The following DYM variants were observed in gnomAD, a reference collection of about 807,000 sequenced individuals.
The protein encoded by DYM is dyggve-Melchior-Clausen syndrome protein.
In DYM, 78 loss-of-function variants were observed where a neutral mutation model predicts 93.1. That is an observed-to-expected ratio of 0.84 (90% CI 0.70 to 1.01). The LOEUF (loss-of-function observed/expected upper bound fraction) is 1.01. Ranked by LOEUF, DYM falls within the 50% of genes least tolerant of loss-of-function variation. The pLI, the probability that DYM is intolerant of heterozygous loss-of-function variation, is 0.00. For missense variants in DYM, 789 were observed against 845.0 expected, an observed-to-expected ratio of 0.93 and a Z score of 0.82; for synonymous variants, 321 against 319.7, an observed-to-expected ratio of 1.00 and a Z score of -0.04.
intron 3 of DYM, among the ~76,000 whole-genome samples, chr18:49,384,873 G>A (rs946407495): frequency 1.3e-5 from 2 of 150,624 alleles, no homozygotes; most frequent in African/African-American, 2.4e-5. Context: ...AGGTGATCAA[G>A]AGGTAGGGAG....
At position 49,330,501 on chromosome 18, in the gene DYM, T is replaced by C. The variant is rs150184014; in HGVS notation, c.763+1363A>G. 2.6e-5 allele frequency among the ~76,000 whole-genome samples: 4 copies of C among 152,152 alleles called. No individual in the cohort carries two copies. In the East Asian group the frequency reaches 7.7e-4, roughly 29 times the overall value. On this transcript the variant is annotated intron_variant, in intron 8 of 17. Coordinates refer to ENST00000675505, the MANE Select transcript of DYM (RefSeq NM_001353214.3). ...TAATGATACCACATGCAATACTGGG[T>C]TCCCTTTGATATGATACATAACTGA...
intron 15 of DYM, among the ~76,000 whole-genome samples, chr18:49,145,108 CATATATATAT>C (rs56212722): frequency 9.6e-4 from 18 of 18,754 alleles, no homozygotes; most frequent in Middle Eastern, 0.056. Context: ...CAAAAAAATT[CATATATATAT>C]ATATATATAT....
chr18:49,172,141 G>A (rs112984773), intron 14 of DYM, among the ~76,000 whole-genome samples: 125 of 152,220 alleles, frequency 8.2e-4, no homozygotes, highest in African/African-American at 2.9e-3. Flanking sequence ...GTACTCTTTT[G>A]TGTCTGCCAT....
chr18:49,448,395 T>G (rs2082272742), intron 1 of DYM, among the ~76,000 whole-genome samples: 1 of 152,198 alleles, frequency 6.6e-6, no homozygotes, highest in Non-Finnish European at 1.5e-5. Context: ...ATCTAGCACA[T>G]CCCCTGCATT....
At chr18:49,105,619 T>G (rs940691883) in intron 16 of DYM, among the ~76,000 whole-genome samples, 12 of 152,150 alleles carry the variant, frequency 7.9e-5, no homozygotes, top group East Asian at 3.8e-4. Flanking sequence ...CTTTGTTCTC[T>G]TTGGTTTCAA....
chr18:49,162,394 T>C (rs1458101201), intron 15 of DYM, among the ~76,000 whole-genome samples: 2 of 152,178 alleles, frequency 1.3e-5, no homozygotes, highest in Non-Finnish European at 2.9e-5. Context: ...CCCAAGATGA[T>C]GCAGGGTATC....
chr18:49,089,054 T>C (rs560316655), intron 17 of DYM, among the ~76,000 whole-genome samples: 211 of 152,262 alleles, frequency 1.4e-3, no homozygotes, highest in Non-Finnish European at 2.3e-3. Flanking sequence ...TGCCTCAGCC[T>C]CTCAAACTGC....
chr18:49,109,905 C>T (rs1227165415), intron 16 of DYM, among the ~76,000 whole-genome samples: 1 of 152,198 alleles, frequency 6.6e-6, no homozygotes, highest in Non-Finnish European at 1.5e-5. Context: ...CATGTGTCAA[C>T]TTCCAATTCT....
At chr18:49,289,731 A>ATGTG (rs2059927509) in intron 8 of DYM, among the ~76,000 whole-genome samples, 8 of 11,136 alleles carry the variant, frequency 7.2e-4, no homozygotes, top group Non-Finnish European at 1.5e-3. Flanking sequence ...ATATGTGTAT[A>ATGTG]TATATATATA....
intron 11 of DYM, among the ~76,000 whole-genome samples, chr18:49,264,324 C>T (rs956037457): frequency 1.3e-5 from 2 of 151,968 alleles, no homozygotes; most frequent in Non-Finnish European, 2.9e-5. Context: ...TGAAATGGAA[C>T]TTCTGAGAGG....
At chr18:49,435,656 T>C (rs1191743742) in intron 1 of DYM, among the ~76,000 whole-genome samples, 1 of 151,790 alleles carries the variant, frequency 6.6e-6, no homozygotes, top group Non-Finnish European at 1.5e-5. Context: ...AGGTGAAGTG[T>C]CAGGCGTCTG....
At chr18:49,186,287 A>G (rs1320656848) in intron 14 of DYM, among the ~76,000 whole-genome samples, 3 of 152,164 alleles carry the variant, frequency 2.0e-5, no homozygotes, top group Non-Finnish European at 4.4e-5. Flanking sequence ...ATGTTCAAAC[A>G]CACTTCTAAT....
At chr18:49,189,761 G>A (rs1242695995) in intron 14 of DYM, among the ~76,000 whole-genome samples, 1 of 152,108 alleles carries the variant, frequency 6.6e-6, no homozygotes, top group Non-Finnish European at 1.5e-5. Context: ...ACAGGGAAAA[G>A]GAGAGACTAG....
At chr18:49,315,901 T>C (rs530010830) in intron 8 of DYM, among the ~76,000 whole-genome samples, 1 of 152,102 alleles carries the variant, frequency 6.6e-6, no homozygotes, top group Non-Finnish European at 1.5e-5. Context: ...ATGAAACAAG[T>C]GTTTTCTTTT....
intron 14 of DYM, among the ~76,000 whole-genome samples, chr18:49,192,287 C>T (rs1249620382): frequency 2.6e-5 from 4 of 151,866 alleles, no homozygotes; most frequent in Non-Finnish European, 5.9e-5. Context: ...ATAATAATAT[C>T]TCATAGAGTT....
chr18:49,276,203 G>A (rs1424896379), intron 10 of DYM, among the ~76,000 whole-genome samples: 2 of 151,832 alleles, frequency 1.3e-5, no homozygotes, highest in African/African-American at 4.8e-5. Flanking sequence ...TGAGCTGTGG[G>A]GTTTTCATAG....
chr18:49,058,408 C>T (rs1910925991), intron 17 of DYM, among the ~76,000 whole-genome samples: 4 of 151,400 alleles, frequency 2.6e-5, no homozygotes, highest in Admixed American at 2.6e-4. Flanking sequence ...CAGCCTCAAA[C>T]TTCTGGGCTC....
intron 15 of DYM, among the ~76,000 whole-genome samples, chr18:49,140,205 CAT>C (rs2084323356): frequency 6.6e-6 from 1 of 152,174 alleles, no homozygotes; most frequent in Non-Finnish European, 1.5e-5. Context: ...CACACACACA[CAT>C]ACACACACAC....
intron 2 of DYM, among the ~76,000 whole-genome samples, chr18:49,412,236 T>TTA: frequency 7.4e-6 from 1 of 135,108 alleles, no homozygotes; most frequent in South Asian, 2.4e-4. Flanking sequence ...AACATTGACT[T>TTA]AAAAAAAAAA....
Sources: allele counts gnomAD v4.1 joint callset (sites outside exome capture counted in the v4.1 genomes callset), GRCh38; gene constraint gnomAD v4.1.1; transcripts MANE v1.5; gene names NCBI Gene and HGNC (gene_info 2026-07-23, HGNC 2026-07-21).